ATXN7L1: variants seen among roughly 807,000 people sequenced by gnomAD.
ATXN7L1 encodes the protein ataxin-7-like protein 1.
ATXN7L1 carries 15 observed loss-of-function variants against 70.8 expected under a neutral mutation model. The ratio of observed to expected loss-of-function variants is 0.21; its 90% confidence interval spans 0.14 to 0.33. ATXN7L1 has a LOEUF of 0.33. Ranked by LOEUF, ATXN7L1 falls within the 10% of genes least tolerant of loss-of-function variation. ATXN7L1 has a pLI of 1.00. For missense variants in ATXN7L1, 975 were observed against 1,097.1 expected, an observed-to-expected ratio of 0.89 and a Z score of 1.57; for synonymous variants, 440 against 445.1, an observed-to-expected ratio of 0.99 and a Z score of 0.14.
chr7:105,607,902 G>C lies in ATXN7L1; in HGVS notation c.2548-12C>G. 1 of 1,551,632 alleles carries C rather than the reference G, an allele frequency of 6.4e-7. No individual in the cohort carries two copies. The highest frequency in any genetic ancestry group is 8.7e-7 in the Non-Finnish European group (1 of 1,146,686). On this transcript the variant is annotated splice_polypyrimidine_tract_variant and intron_variant, in intron 11 of 11. Coordinates refer to ENST00000419735, the MANE Select transcript of ATXN7L1 (RefSeq NM_020725.2). ...GTTCTGTTTGTGTTCTTCTAGGAAA[G>C]AAAAGAAAAACTTGTTTCAAAACCA...
At chr7:105,797,622 C>A (rs1192750771) in intron 2 of ATXN7L1, among the ~76,000 whole-genome samples, 1 of 152,248 alleles carries the variant, frequency 6.6e-6, no homozygotes, top group Non-Finnish European at 1.5e-5. Context: ...GCTTGTGTTT[C>A]CACACATGGA....
At chr7:105,845,782 A>G (rs1286228251) in intron 2 of ATXN7L1, among the ~76,000 whole-genome samples, 1 of 152,210 alleles carries the variant, frequency 6.6e-6, no homozygotes, top group African/African-American at 2.4e-5. Context: ...AAGAGTTCCA[A>G]GACAATTCAA....
At chr7:105,872,467 C>T (rs1483020033) in intron 2 of ATXN7L1, among the ~76,000 whole-genome samples, 2 of 152,222 alleles carry the variant, frequency 1.3e-5, no homozygotes, top group East Asian at 1.9e-4. Context: ...TATATATACA[C>T]AATGAAATAT....
chr7:105,833,221 T>C (rs979266649), intron 2 of ATXN7L1, among the ~76,000 whole-genome samples: 2 of 152,154 alleles, frequency 1.3e-5, no homozygotes, highest in African/African-American at 4.8e-5. Context: ...TGACCCTCAC[T>C]GGCTGTTTCC....
intron 2 of ATXN7L1, among the ~76,000 whole-genome samples, chr7:105,799,200 C>G (rs1461702693): frequency 6.6e-6 from 1 of 152,194 alleles, no homozygotes; most frequent in Admixed American, 6.5e-5. Context: ...TGTAAAGGCA[C>G]AAGGAGAGGC....
chr7:105,619,522 ATATATATATTTTTTTTTTTTTTTTTTTTT>A lies in ATXN7L1; in HGVS notation c.1517+649_1517+677del, dbSNP rs1486500510. On this transcript the variant is annotated intron_variant, in intron 9 of 11. Coordinates refer to ENST00000419735, the MANE Select transcript of ATXN7L1 (RefSeq NM_020725.2). ...TATATATATATATATATATATATAT[ATATATATATTTTTTTTTTTTTTTTTTTTT>A]TTTTTTTTTTTTTTTTAAGAGAGAG... 8.1e-3 allele frequency among the ~76,000 whole-genome samples: 163 copies of A among 20,130 alleles called. 6 individuals are homozygous for A. The highest frequency in any genetic ancestry group is 0.018 in the South Asian group (9 of 500). 13.2% of individuals were successfully genotyped at this position (20,130 alleles called of 152,430 possible). A position where few individuals can be genotyped will look rare whatever the true frequency, so the allele number is the denominator to read the frequency against.
intron 2 of ATXN7L1, chr7:105,820,126 CAAAAAAAAAA>C (rs562797891): frequency 0.01 from 643 of 64,126 alleles, 1 homozygote; most frequent in South Asian, 0.029. Context: ...GTTTATTCCT[CAAAAAAAAAA>C]AAAAAAAAAA....
At chr7:105,873,128 TG>T (rs1818518932) in intron 2 of ATXN7L1, among the ~76,000 whole-genome samples, 5 of 151,602 alleles carry the variant, frequency 3.3e-5, no homozygotes, top group Non-Finnish European at 7.4e-5. Context: ...CACTCCAGCC[TG>T]GGCGGCAGAG....
intron 2 of ATXN7L1, among the ~76,000 whole-genome samples, chr7:105,809,490 T>C (rs1316291952): frequency 6.6e-6 from 1 of 152,222 alleles, no homozygotes; most frequent in Non-Finnish European, 1.5e-5. Context: ...CTGCCTTAGA[T>C]ACCTCATATC....
chr7:105,608,790 G>A (rs1010784710), intron 11 of ATXN7L1, among the ~76,000 whole-genome samples: 3 of 152,158 alleles, frequency 2.0e-5, no homozygotes, highest in Non-Finnish European at 2.9e-5. Context: ...CAAGATTTGT[G>A]GGAAAATCCC....
intron 3 of ATXN7L1, among the ~76,000 whole-genome samples, chr7:105,739,446 G>A (rs183375815): frequency 9.2e-5 from 14 of 152,286 alleles, no homozygotes; most frequent in African/African-American, 3.4e-4. Flanking sequence ...TGGCTTAGTT[G>A]GTTTGGGGTG....
chr7:105,828,683 T>C (rs957477411), intron 2 of ATXN7L1, among the ~76,000 whole-genome samples: 6 of 152,166 alleles, frequency 3.9e-5, no homozygotes, highest in Non-Finnish European at 8.8e-5. Context: ...GGAGAAACCA[T>C]TATTATTCTC....
intron 3 of ATXN7L1, among the ~76,000 whole-genome samples, chr7:105,731,627 G>C (rs898336166): frequency 7.9e-5 from 12 of 151,010 alleles, no homozygotes; most frequent in African/African-American, 2.9e-4. Context: ...AGTAGAGATG[G>C]GGTTTCACCA....
chr7:105,748,336 C>A (rs1270825030), intron 3 of ATXN7L1, among the ~76,000 whole-genome samples: 1 of 152,144 alleles, frequency 6.6e-6, no homozygotes, highest in Non-Finnish European at 1.5e-5. Context: ...TGGTCCAGCT[C>A]TTCTCTACCT....
At chr7:105,876,236 T>A in intron 1 of ATXN7L1, 142 bp downstream of exon 1, 1 of 1,127,748 alleles carries the variant, frequency 8.9e-7, no homozygotes, top group Non-Finnish European at 1.2e-6. Context: ...TCTCTGTGTG[T>A]ATTTATTTAG....
chr7:105,676,708 CATGTG>C (rs1374892065), intron 3 of ATXN7L1, among the ~76,000 whole-genome samples: 1 of 151,972 alleles, frequency 6.6e-6, no homozygotes, highest in African/African-American at 2.4e-5. Flanking sequence ...GGTGTGGTGG[CATGTG>C]TCTGTAATCC....
At chr7:105,735,261 C>G (rs1194191780) in intron 3 of ATXN7L1, among the ~76,000 whole-genome samples, 1 of 151,958 alleles carries the variant, frequency 6.6e-6, no homozygotes, top group East Asian at 1.9e-4. Flanking sequence ...ATTGTATAAA[C>G]ACTGCCAACC....
rs1307525531 is a variant in ATXN7L1, at chr7:105,822,653, C to G, written c.251-33945G>C. On this transcript the variant is annotated intron_variant, in intron 2 of 11. Transcript: ENST00000419735. ...TCCTCAAAGCCACCCTATGAGAAAG[C>G]CAGGGAAATTGTAGTATTTTTATTA... 2.0e-5 allele frequency among the ~76,000 whole-genome samples: 3 copies of G among 152,102 alleles called. No homozygotes were observed. In the East Asian group the frequency reaches 5.8e-4, roughly 29 times the overall value.
At chr7:105,675,884 CTTTTTTTT>C (rs371890415) in intron 3 of ATXN7L1, among the ~76,000 whole-genome samples, 1 of 142,892 alleles carries the variant, frequency 7.0e-6, no homozygotes, top group South Asian at 2.2e-4. Flanking sequence ...TTCATTCACT[CTTTTTTTT>C]TTTTTTTTCT....
Sources: gnomAD v4.1 joint callset for allele counts (sites outside exome capture counted in the v4.1 genomes callset) on GRCh38, gnomAD v4.1.1 for gene constraint, MANE v1.5 for transcripts, NCBI Gene and HGNC (gene_info 2026-07-23, HGNC 2026-07-21) for gene names.